The following ZMAT4 variants were observed in gnomAD, a reference collection of about 807,000 sequenced individuals.
ZMAT4 encodes zinc finger matrin-type protein 4.
ZMAT4 carries 17 observed loss-of-function variants against 28.7 expected under a neutral mutation model. The ratio of observed to expected loss-of-function variants is 0.59; its 90% confidence interval spans 0.41 to 0.89. ZMAT4 has a LOEUF of 0.89. ZMAT4 is among the 40% of genes least tolerant of loss of function. The pLI is 0.00. For synonymous variants in ZMAT4, 117 were observed against 109.2 expected, an observed-to-expected ratio of 1.07 and a Z score of -0.44; for missense variants, 240 against 283.8, an observed-to-expected ratio of 0.85 and a Z score of 1.11.
intron 5 of ZMAT4, among the ~76,000 whole-genome samples, chr8:40,668,508 A>G (rs931476073): frequency 4.0e-5 from 6 of 151,744 alleles, no homozygotes; most frequent in African/African-American, 1.2e-4. Flanking sequence ...AGAAAAAAAA[A>G]GAAAATAATC....
chr8:40,696,162 C>A (rs1174246232), intron 4 of ZMAT4, among the ~76,000 whole-genome samples: 4 of 152,056 alleles, frequency 2.6e-5, no homozygotes, highest in Non-Finnish European at 5.9e-5. Flanking sequence ...GCAACCTCAT[C>A]CTATGCCTGA....
At chr8:40,633,175 T>C (rs1011957163) in intron 5 of ZMAT4, among the ~76,000 whole-genome samples, 1 of 152,232 alleles carries the variant, frequency 6.6e-6, no homozygotes, top group Non-Finnish European at 1.5e-5. Context: ...AGTAATGCTA[T>C]AGCCATGGGA....
In ZMAT4 at chr8:40,556,414, C is replaced by A. The variant is rs186003978; in HGVS notation, c.675-24176G>T. 2.8e-4 allele frequency among the ~76,000 whole-genome samples: 43 copies of A among 152,242 alleles called. No individual in the cohort carries two copies. The South Asian group carries it at 7.3e-3, about 26-fold the overall frequency. The stretch of plus-strand genomic sequence containing the variant: ...TTGGAGTGATACCTCCATCATCAAT[C>A]CAATTTTTCAATATGAAATCTGGGA... On this transcript the variant is annotated intron_variant, in intron 6 of 6. Coordinates refer to ENST00000297737, the MANE Select transcript of ZMAT4 (RefSeq NM_024645.3).
At chr8:40,656,475 A>C (rs771672076) in intron 5 of ZMAT4, among the ~76,000 whole-genome samples, 3 of 152,162 alleles carry the variant, frequency 2.0e-5, no homozygotes, top group Non-Finnish European at 4.4e-5. Context: ...GCATATATCC[A>C]CACAAAAACT....
chr8:40,847,587 G>A (rs1816953778), intron 1 of ZMAT4, among the ~76,000 whole-genome samples: 2 of 152,216 alleles, frequency 1.3e-5, no homozygotes, highest in African/African-American at 4.8e-5. Context: ...TTCCTCTGCA[G>A]CATGTCAGGT....
intron 1 of ZMAT4, among the ~76,000 whole-genome samples, chr8:40,889,505 T>C (rs1046894901): frequency 6.6e-6 from 1 of 152,182 alleles, no homozygotes; most frequent in Non-Finnish European, 1.5e-5. Flanking sequence ...CAAAAAAGTT[T>C]AAAGAAATCA....
intron 2 of ZMAT4, among the ~76,000 whole-genome samples, chr8:40,782,354 C>A (rs1325345353): frequency 6.6e-6 from 1 of 152,074 alleles, no homozygotes. Context: ...CCACTGCATT[C>A]CAGCCTGGTG....
Position 40,881,561 on chromosome 8 carries a change from A to G in ZMAT4, c.-5+16122T>C, listed in dbSNP as rs1023487606. ...AAGAAAGAAAGAAAGAAAGAAAGAAAGAAAGAAAGAAAGAAAGAAAGAAAG... is the reference window on the plus strand; with the variant it reads ...AAGAAAGAAAGAAAGAAAGAAAGAAGGAAAGAAAGAAAGAAAGAAAGAAAG... On this transcript the variant is annotated intron_variant, in intron 1 of 6. Transcript: ENST00000297737. Among the ~76,000 whole-genome samples the G allele has an allele frequency of 9.8e-5, 10 of 101,906 alleles. 2 individuals are homozygous for G. The highest frequency in any genetic ancestry group is 1.6e-4 in the Non-Finnish European group (8 of 49,096). 66.9% of individuals were successfully genotyped at this position (101,906 alleles called of 152,430 possible).
chr8:40,583,723 G>T (rs1246314010), intron 5 of ZMAT4, among the ~76,000 whole-genome samples: 1 of 152,154 alleles, frequency 6.6e-6, no homozygotes, highest in African/African-American at 2.4e-5. Context: ...GAGCCACGAG[G>T]CATCAATCAA....
intron 2 of ZMAT4, among the ~76,000 whole-genome samples, chr8:40,770,054 G>A (rs538173365): frequency 4.6e-5 from 7 of 152,216 alleles, no homozygotes; most frequent in African/African-American, 1.7e-4. Context: ...GGCAGGAAAA[G>A]GAATGGCTAC....
chr8:40,771,035 G>A (rs530351706), intron 2 of ZMAT4, among the ~76,000 whole-genome samples: 7 of 151,990 alleles, frequency 4.6e-5, no homozygotes, highest in East Asian at 1.9e-4. Flanking sequence ...ATCCATTGCC[G>A]CATTACCTAA....
intron 5 of ZMAT4, among the ~76,000 whole-genome samples, chr8:40,606,063 C>A (rs1805569135): frequency 6.6e-6 from 1 of 152,022 alleles, no homozygotes; most frequent in South Asian, 2.1e-4. Flanking sequence ...TTATGTGAGT[C>A]CTTATGTGTG....
rs77843683 is a variant in ZMAT4, at chr8:40,837,004, G to T, written c.-4-11324C>A. On this transcript the variant is annotated intron_variant, in intron 1 of 6. Coordinates refer to ENST00000297737, the MANE Select transcript of ZMAT4 (RefSeq NM_024645.3). ...TAGATACATACATAGACAAATAATG[G>T]CTGGATAGATACCATGTACACAATA... 3.5e-4 allele frequency among the ~76,000 whole-genome samples: 54 copies of T among 152,272 alleles called. No homozygotes were observed. The East Asian group carries it at 0.01, about 29-fold the overall frequency.
intron 5 of ZMAT4, among the ~76,000 whole-genome samples, chr8:40,623,015 T>G (rs1231534107): frequency 1.4e-4 from 21 of 152,188 alleles, no homozygotes; most frequent in Admixed American, 1.4e-3. Context: ...GGCAAAGCTT[T>G]ATCACCTCTT....
At chr8:40,579,817 A>G (rs1383711066) in intron 6 of ZMAT4, among the ~76,000 whole-genome samples, 1 of 152,058 alleles carries the variant, frequency 6.6e-6, no homozygotes, top group African/African-American at 2.4e-5. Flanking sequence ...TATTGTGTTG[A>G]GCAAAATCAG....
intron 1 of ZMAT4, among the ~76,000 whole-genome samples, chr8:40,880,071 A>G (rs957224292): frequency 2.6e-5 from 4 of 152,216 alleles, no homozygotes; most frequent in Non-Finnish European, 5.9e-5. Context: ...ACTAAATCAA[A>G]AGGTGCAGAA....
intron 2 of ZMAT4, among the ~76,000 whole-genome samples, chr8:40,821,669 G>A (rs116428457): frequency 2.5e-3 from 375 of 152,182 alleles, no homozygotes; most frequent in Middle Eastern, 0.01. Context: ...TAACACACTC[G>A]TCTCACAGCA....
intron 4 of ZMAT4, among the ~76,000 whole-genome samples, chr8:40,675,582 A>C (rs1005701131): frequency 2.6e-5 from 4 of 152,226 alleles, no homozygotes; most frequent in Non-Finnish European, 4.4e-5. Context: ...GTCAAAATAA[A>C]GCTAATACTT....
intron 2 of ZMAT4, among the ~76,000 whole-genome samples, chr8:40,803,603 A>T (rs145886216): frequency 2.2e-3 from 335 of 152,316 alleles, no homozygotes; most frequent in African/African-American, 6.9e-3. Context: ...GATGTGGAGC[A>T]TCAGGAGCTC....
Sources: gnomAD v4.1 joint callset for allele counts (sites outside exome capture counted in the v4.1 genomes callset) on GRCh38, gnomAD v4.1.1 for gene constraint, MANE v1.5 for transcripts, NCBI Gene and HGNC (gene_info 2026-07-23, HGNC 2026-07-21) for gene names.